Variants in DOCK1 observed in about 807,000 individuals in gnomAD.
The protein encoded by DOCK1 is dedicator of cytokinesis protein 1.
Under a neutral mutation model 262.7 loss-of-function variants are expected in DOCK1, and 138 were observed. That is an observed-to-expected ratio of 0.53 (90% confidence interval 0.46 to 0.61). DOCK1 has a LOEUF of 0.61. Ranked by LOEUF, DOCK1 falls within the 20% of genes least tolerant of loss-of-function variation. The probability of loss-of-function intolerance (pLI) is 0.00; values close to 1 mark genes in which losing one functional copy is unlikely to be tolerated. For missense variants in DOCK1, 1,908 were observed against 2,370.7 expected (o/e 0.80, Z 4.05); for synonymous variants, 866 against 867.4 (o/e 1.00, Z 0.03).
At chr10:127,419,166 C>T (rs758962532) in intron 45 of DOCK1, among the ~76,000 whole-genome samples, 1 of 152,296 alleles carries the variant, frequency 6.6e-6, no homozygotes, top group Non-Finnish European at 1.5e-5. Flanking sequence ...AAAATGTTTA[C>T]CATCTGGCCT....
chr10:127,103,189 G>T (rs1384997836), intron 23 of DOCK1, among the ~76,000 whole-genome samples: 1 of 152,176 alleles, frequency 6.6e-6, no homozygotes, highest in Non-Finnish European at 1.5e-5. Context: ...AGGGACATTT[G>T]GGTTGTTTCT....
chr10:127,432,294 C>A (rs2069345952), intron 47 of DOCK1, among the ~76,000 whole-genome samples: 1 of 152,076 alleles, frequency 6.6e-6, no homozygotes, highest in African/African-American at 2.4e-5. Flanking sequence ...GAAAAAGGCC[C>A]ACTTTTCAGA....
intron 27 of DOCK1, among the ~76,000 whole-genome samples, chr10:127,167,753 T>A (rs891365223): frequency 7.2e-5 from 11 of 152,122 alleles, no homozygotes; most frequent in African/African-American, 2.7e-4. Context: ...ACTGGTCCTG[T>A]CCTTTTCTCT....
At chr10:127,186,334 C>T (rs2056227168) in intron 27 of DOCK1, among the ~76,000 whole-genome samples, 1 of 152,170 alleles carries the variant, frequency 6.6e-6, no homozygotes, top group Non-Finnish European at 1.5e-5. Context: ...GCACCTTCTT[C>T]ACAAGGCTGC....
chr10:127,088,641 C>T (rs1244218971), intron 23 of DOCK1, among the ~76,000 whole-genome samples: 1 of 152,126 alleles, frequency 6.6e-6, no homozygotes, highest in Non-Finnish European at 1.5e-5. Flanking sequence ...TGTTGCCCCT[C>T]AAAATGAACT....
chr10:127,423,687 C>A (rs917349125), intron 46 of DOCK1, among the ~76,000 whole-genome samples: 3 of 152,166 alleles, frequency 2.0e-5, no homozygotes, highest in African/African-American at 7.2e-5. Context: ...CAGCCATCAT[C>A]CCCAGCTGAT....
chr10:126,919,772 C>T (rs2032987136), intron 1 of DOCK1, among the ~76,000 whole-genome samples: 1 of 152,218 alleles, frequency 6.6e-6, no homozygotes, highest in East Asian at 1.9e-4. Flanking sequence ...GGCTCCGTGT[C>T]CCCTGCTAGA....
chr10:126,992,692 A>T (rs2039871810), intron 6 of DOCK1, among the ~76,000 whole-genome samples: 1 of 146,642 alleles, frequency 6.8e-6, no homozygotes, highest in African/African-American at 2.6e-5. Context: ...AGAAAAATGT[A>T]CATACACAAT....
chr10:127,113,540 T>C (rs1336671052), intron 25 of DOCK1, among the ~76,000 whole-genome samples: 2 of 152,242 alleles, frequency 1.3e-5, no homozygotes, highest in African/African-American at 2.4e-5. Flanking sequence ...GTTGTTCCTC[T>C]GCAGAAAAGC....
intron 5 of DOCK1, among the ~76,000 whole-genome samples, chr10:126,989,279 A>T (rs1042434922): frequency 3.3e-5 from 5 of 152,100 alleles, no homozygotes; most frequent in Non-Finnish European, 7.3e-5. Flanking sequence ...AAAAAGTGGC[A>T]GTGAACAAAT....
chr10:127,381,938 T>C (rs541373981), intron 37 of DOCK1, among the ~76,000 whole-genome samples: 1 of 148,430 alleles, frequency 6.7e-6, no homozygotes, highest in Non-Finnish European at 1.5e-5. Context: ...AGACATTGAC[T>C]TTCTTTGTTT....
chr10:126,914,584 G>T (rs1002837603), intron 1 of DOCK1, among the ~76,000 whole-genome samples: 1 of 152,046 alleles, frequency 6.6e-6, no homozygotes, highest in African/African-American at 2.4e-5. Context: ...AGGAGATTGG[G>T]AGAGGGTCTT....
chr10:127,119,919 A>T (rs2049443072), intron 25 of DOCK1, among the ~76,000 whole-genome samples: 1 of 152,160 alleles, frequency 6.6e-6, no homozygotes, highest in Admixed American at 6.5e-5. Flanking sequence ...AAAGATTAAT[A>T]TTTTTTACTC....
At chr10:126,976,304 A>C (rs1175595135) in intron 2 of DOCK1, among the ~76,000 whole-genome samples, 1 of 152,168 alleles carries the variant, frequency 6.6e-6, no homozygotes, top group African/African-American at 2.4e-5. Flanking sequence ...GGTTCCCCCA[A>C]TCAGTCTGTT....
intron 25 of DOCK1, among the ~76,000 whole-genome samples, chr10:127,115,431 A>G (rs556095094): frequency 6.6e-6 from 1 of 152,342 alleles, no homozygotes; most frequent in South Asian, 2.1e-4. Flanking sequence ...ACTCTTGCAT[A>G]TAATCTGTGG....
intron 37 of DOCK1, among the ~76,000 whole-genome samples, chr10:127,383,823 G>A (rs970510548): frequency 6.6e-6 from 1 of 152,204 alleles, no homozygotes; most frequent in Non-Finnish European, 1.5e-5. Flanking sequence ...GTGTCCTCCC[G>A]TGAGCCTCCA....
intron 28 of DOCK1, among the ~76,000 whole-genome samples, chr10:127,252,031 A>C (rs1262810613): frequency 6.6e-6 from 1 of 151,642 alleles, no homozygotes; most frequent in East Asian, 1.9e-4. Flanking sequence ...ATTTCTCCAC[A>C]TCCTCTCCAA....
intron 27 of DOCK1, among the ~76,000 whole-genome samples, chr10:127,237,603 A>G (rs2059120458): frequency 6.6e-6 from 1 of 152,160 alleles, no homozygotes. Context: ...CCCTCTAGTT[A>G]TATTTTAGCT....
intron 31 of DOCK1, among the ~76,000 whole-genome samples, chr10:127,348,362 CTT>C (rs557017719): frequency 6.6e-4 from 101 of 152,236 alleles, no homozygotes; most frequent in African/African-American, 2.3e-3. Context: ...AAAGGAATGA[CTT>C]TTGATTAGCA....
Sources: gnomAD v4.1 joint callset for allele counts (sites outside exome capture counted in the v4.1 genomes callset) on GRCh38, gnomAD v4.1.1 for gene constraint, MANE v1.5 for transcripts, NCBI Gene and HGNC (gene_info 2026-07-23, HGNC 2026-07-21) for gene names.